NEBL: variants seen among roughly 807,000 people sequenced by gnomAD.
The protein encoded by NEBL is LIM and SH3 protein 2.
NEBL carries 122 observed loss-of-function variants against 140.2 expected under a neutral mutation model. The observed-to-expected ratio is 0.87, with a 90% CI of 0.75 to 1.01. NEBL has a LOEUF of 1.01. Ranked by LOEUF, NEBL falls within the 50% of genes least tolerant of loss-of-function variation. The probability of loss-of-function intolerance (pLI) is 0.00; values close to 1 mark genes in which losing one functional copy is unlikely to be tolerated. For missense variants in NEBL, 1,365 were observed against 1,231.3 expected, an observed-to-expected ratio of 1.11 and a Z score of -1.62; for synonymous variants, 436 against 398.9, an observed-to-expected ratio of 1.09 and a Z score of -1.11.
At chr10:20,839,634 CAT>C (rs1351746470) in intron 13 of NEBL, among the ~76,000 whole-genome samples, 4 of 152,064 alleles carry the variant, frequency 2.6e-5, no homozygotes, top group Non-Finnish European at 4.4e-5. Flanking sequence ...GTTTTAAACA[CAT>C]AAAAATTTAG....
chr10:21,076,482 C>T (rs1380233242), intron 2 of NEBL, among the ~76,000 whole-genome samples: 1 of 143,266 alleles, frequency 7.0e-6, no homozygotes, highest in Non-Finnish European at 1.5e-5. Flanking sequence ...AAAGAATTAC[C>T]ACACAACCCA....
At chr10:21,155,129 G>A (rs1840290147) in intron 2 of NEBL, among the ~76,000 whole-genome samples, 1 of 152,104 alleles carries the variant, frequency 6.6e-6, no homozygotes, top group Non-Finnish European at 1.5e-5. Flanking sequence ...AACCCAGGAG[G>A]CAGAGGTTGC....
At chr10:21,119,964 T>A (rs1407468483) in intron 2 of NEBL, among the ~76,000 whole-genome samples, 1 of 152,142 alleles carries the variant, frequency 6.6e-6, no homozygotes, top group East Asian at 1.9e-4. Flanking sequence ...ATCTAATTGT[T>A]TCCTCATGAT....
At chr10:20,969,304 C>G (rs1347991898) in intron 3 of NEBL, among the ~76,000 whole-genome samples, 1 of 150,884 alleles carries the variant, frequency 6.6e-6, no homozygotes, top group Non-Finnish European at 1.5e-5. Flanking sequence ...TTATAATTAC[C>G]TTTTTAAACA....
intron 2 of NEBL, among the ~76,000 whole-genome samples, chr10:21,115,172 A>C (rs904626589): frequency 6.6e-6 from 1 of 152,008 alleles, no homozygotes; most frequent in South Asian, 2.1e-4. Flanking sequence ...TAATAACTTC[A>C]TGACACTTTT....
At chr10:20,833,651 C>T (rs373200458) in intron 14 of NEBL, among the ~76,000 whole-genome samples, 110 of 151,660 alleles carry the variant, frequency 7.3e-4, no homozygotes, top group African/African-American at 2.4e-3. Context: ...GATTCTTCTC[C>T]TGCTGGGTTA....
intron 26 of NEBL, chr10:20,804,611 C>T (rs1837436787): frequency 6.6e-6 from 1 of 152,146 alleles, no homozygotes; most frequent in South Asian, 2.1e-4. Context: ...CTTAGCTAAG[C>T]AAATATCTGG....
intron 2 of NEBL, among the ~76,000 whole-genome samples, chr10:21,099,925 T>C (rs1837392558): frequency 6.6e-6 from 1 of 152,178 alleles, no homozygotes; most frequent in South Asian, 2.1e-4. Flanking sequence ...AATAAGAAAC[T>C]GTTGAACCCC....
chr10:21,075,777 A>G (rs1836040665), intron 2 of NEBL, among the ~76,000 whole-genome samples: 1 of 152,190 alleles, frequency 6.6e-6, no homozygotes, highest in Admixed American at 6.5e-5. Flanking sequence ...ATACTTGCAA[A>G]TCACATATCT....
intron 2 of NEBL, chr10:21,125,656 G>T: frequency 1.9e-6 from 1 of 516,230 alleles, no homozygotes. Context: ...ATAGTTTGAT[G>T]GATTTGTGCC....
chr10:21,025,601 T>C (rs1422399506), intron 2 of NEBL, among the ~76,000 whole-genome samples: 2 of 152,112 alleles, frequency 1.3e-5, no homozygotes, highest in Non-Finnish European at 2.9e-5. Flanking sequence ...GCAACCTCCA[T>C]GGAGATGGGA....
At chr10:21,049,031 G>A (rs1217981716) in intron 2 of NEBL, among the ~76,000 whole-genome samples, 2 of 151,816 alleles carry the variant, frequency 1.3e-5, no homozygotes, top group African/African-American at 4.8e-5. Context: ...TAAATAAAAA[G>A]ACTGTCTAGA....
At chr10:21,125,611 G>C (rs537500323) in intron 2 of NEBL, among the ~76,000 whole-genome samples, 1 of 152,304 alleles carries the variant, frequency 6.6e-6, no homozygotes, top group East Asian at 1.9e-4. Flanking sequence ...AATGAATTTA[G>C]AGGGAATGTA....
chr10:21,146,820 G>A (rs1360872515), intron 2 of NEBL, among the ~76,000 whole-genome samples: 2 of 152,164 alleles, frequency 1.3e-5, no homozygotes, highest in Non-Finnish European at 2.9e-5. Context: ...AATATTTTAT[G>A]CTGCTTTATG....
At position 21,173,633 on chromosome 10, in the gene NEBL, T is replaced by C; in HGVS notation, c.69+132A>G. ...CGCTGGCGTCTTCGTTCGCGCGCCC[T>C]CCCCCCGTGCCAAGGCACACGCACA... On this transcript the variant is annotated intron_variant, in intron 1 of 6. Coordinates refer to the NEBL transcript ENST00000417816. This position sits in a 1 kb window ranked among gnomAD's most constrained non-coding sequence, Gnocchi z 5.7. 1 of 1,460,254 alleles carries C rather than the reference T, an allele frequency of 6.8e-7. No individual in the cohort carries two copies. The highest frequency in any genetic ancestry group is 9.4e-7 in the Non-Finnish European group (1 of 1,065,038). 90.5% of individuals were successfully genotyped at this position (1,460,254 alleles called of 1,614,324 possible).
chr10:21,076,359 C>G (rs763421976), intron 2 of NEBL, among the ~76,000 whole-genome samples: 1 of 142,502 alleles, frequency 7.0e-6, no homozygotes, highest in Non-Finnish European at 1.5e-5. Context: ...GCAGGAGAAT[C>G]GCTTGAACCT....
chr10:20,897,572 C>T, upstream of NEBL: 1 of 1,042,756 alleles, frequency 9.6e-7, no homozygotes, highest in Non-Finnish European at 1.2e-6. Context: ...CTTAGAGATT[C>T]TGGGAAAACT....
Position 21,173,930 on chromosome 10 carries a change from G to A in NEBL, c.-97C>T. The A allele has an allele frequency of 6.9e-7, 1 of 1,440,114 alleles. No homozygotes were observed. The highest frequency in any genetic ancestry group is 1.5e-5 in the African/African-American group (1 of 67,136). 89.2% of individuals were successfully genotyped at this position (1,440,114 alleles called of 1,614,324 possible). ...AGCCCCGCACCGCCTCCTGGCAGGC[G>A]GGAGGGCTGCGGGCGGCGGGCGCCG... On this transcript the variant is annotated 5_prime_UTR_variant, in exon 1 of 7. Coordinates refer to the NEBL transcript ENST00000417816. The surrounding 1 kb of genome is among the most constrained non-coding windows in gnomAD (Gnocchi z 5.7).
chr10:20,985,762 CT>C (rs1490207369), intron 3 of NEBL, among the ~76,000 whole-genome samples: 1 of 151,850 alleles, frequency 6.6e-6, no homozygotes, highest in Non-Finnish European at 1.5e-5. Context: ...GTAGCTCTGT[CT>C]AAAAAGGTAA....
Sources: gnomAD v4.1 joint callset for allele counts (sites outside exome capture counted in the v4.1 genomes callset) on GRCh38, gnomAD v4.1.1 for gene constraint, Gnocchi (gnomAD v3.1) non-coding constraint, MANE v1.5 for transcripts, NCBI Gene and HGNC (gene_info 2026-07-23, HGNC 2026-07-21) for gene names.